Variants in PLEKHA3 observed in about 807,000 individuals in gnomAD.
PLEKHA3 encodes pleckstrin homology domain-containing family A member 3.
Under a neutral mutation model 39.2 loss-of-function variants are expected in PLEKHA3, and 19 were observed. The observed-to-expected ratio is 0.48, with a 90% CI of 0.34 to 0.71. The LOEUF (loss-of-function observed/expected upper bound fraction) is 0.71, where lower values mean the gene tolerates loss of function less well. Ranked by LOEUF, PLEKHA3 falls within the 30% of genes least tolerant of loss-of-function variation. The pLI, the probability that PLEKHA3 is intolerant of heterozygous loss-of-function variation, is 0.01. For missense variants in PLEKHA3, 253 were observed against 359.5 expected, an observed-to-expected ratio of 0.70 and a Z score of 2.40; for synonymous variants, 97 against 118.6, an observed-to-expected ratio of 0.82 and a Z score of 1.18.
At chr2:178,502,324 A>T in intron 7 of PLEKHA3, 1 of 402,390 alleles carries the variant, frequency 2.5e-6, no homozygotes, top group South Asian at 1.8e-5. Context: ...AACATTTTGA[A>T]TTTAAATTGA....
rs1183540465 is a variant in PLEKHA3 at position 178,497,859 on chromosome 2, C to T, written c.616-1352C>T. Among the ~76,000 whole-genome samples the T allele has an allele frequency of 4.0e-5, 6 of 151,424 alleles. No homozygotes were observed. The East Asian group carries it at 9.7e-4, about 24-fold the overall frequency. On this transcript the variant is annotated intron_variant, in intron 5 of 7. Coordinates refer to ENST00000234453, the MANE Select transcript of PLEKHA3 (RefSeq NM_019091.4). Reference sequence around the variant, plus strand: ...GCTCTGTAGTCCAGAGAAGTCAATGCGTATTTTACATATAAGAAACTAAAA... The same window carrying T: ...GCTCTGTAGTCCAGAGAAGTCAATGTGTATTTTACATATAAGAAACTAAAA...
intron 4 of PLEKHA3, among the ~76,000 whole-genome samples, chr2:178,494,495 C>T (rs1685407756): frequency 7.8e-6 from 1 of 127,552 alleles, no homozygotes; most frequent in Admixed American, 7.1e-5. Flanking sequence ...AGCTATACCA[C>T]TCTCTGGGTG....
At position 178,480,801 on chromosome 2, in the gene PLEKHA3, G is replaced by A; in HGVS notation, c.-69G>A. 7.8e-7 allele frequency: 1 copy of A among 1,282,782 alleles called. No homozygotes were observed. Among genetic ancestry groups the A allele is most frequent in the Non-Finnish European group, 1.0e-6 (1 of 996,546 alleles). 79.5% of individuals were successfully genotyped at this position (1,282,782 alleles called of 1,614,324 possible). A position where few individuals can be genotyped will look rare whatever the true frequency, so the allele number is the denominator to read the frequency against. On this transcript the variant is annotated 5_prime_UTR_variant, in exon 1 of 8. Coordinates refer to ENST00000234453, the MANE Select transcript of PLEKHA3 (RefSeq NM_019091.4). ...GGCGGGCCGGGAGGGGCTGCCCCAGGCCCTGCGCCTACCCCATCACCGCGG... is the reference window on the plus strand; with the variant it reads ...GGCGGGCCGGGAGGGGCTGCCCCAGACCCTGCGCCTACCCCATCACCGCGG...
Position 178,480,824 on chromosome 2 carries a change from CG to C in PLEKHA3, c.-44del. On this transcript the variant is annotated 5_prime_UTR_variant, in exon 1 of 8. Coordinates refer to ENST00000234453, the MANE Select transcript of PLEKHA3 (RefSeq NM_019091.4). ...AGGCCCTGCGCCTACCCCATCACCG[CG>C]GCCGGCGCCGGGCCGGGAGGATGCG... is the stretch of plus-strand genomic sequence containing the variant. The C allele has an allele frequency of 7.6e-7, 1 of 1,313,132 alleles. No individual in the cohort carries two copies. The highest frequency in any genetic ancestry group is 2.0e-4 in the Middle Eastern group (1 of 4,920). The allele number at this position is 1,313,132 out of a possible 1,614,324, so 81.3% of individuals were successfully genotyped here.
chr2:178,500,258 G>T (rs1685510063), intron 6 of PLEKHA3, among the ~76,000 whole-genome samples: 1 of 151,988 alleles, frequency 6.6e-6, no homozygotes, highest in Non-Finnish European at 1.5e-5. Context: ...TTCCCCTGAT[G>T]ATTGTATAAT....
chr2:178,503,946 A>G lies in PLEKHA3; in HGVS notation c.*59A>G, dbSNP rs528274882. ...GCTATGCAAAAGCTGCTGTAATTAA[A>G]CTATTGTTATAGGGAGTAGTTTTTT... On this transcript the variant is annotated 3_prime_UTR_variant, in exon 8 of 8. Coordinates refer to ENST00000234453, the MANE Select transcript of PLEKHA3 (RefSeq NM_019091.4). 157 of 1,592,056 alleles carry G rather than the reference A, an allele frequency of 9.9e-5. 8 individuals carry two copies. The South Asian group carries it at 1.7e-3, about 18-fold the overall frequency.
rs1293798028 is a variant in PLEKHA3, at chr2:178,509,691, C to G, written c.*5804C>G. ...GCAGGGTTTTGCCATGCTGTTCAGACTGATCTCAAACTCCTGGGCTCAAGG... is the reference window on the plus strand; with the variant it reads ...GCAGGGTTTTGCCATGCTGTTCAGAGTGATCTCAAACTCCTGGGCTCAAGG... On this transcript the variant is annotated 3_prime_UTR_variant, in exon 8 of 8. Transcript: ENST00000234453. 1.3e-5 allele frequency: 2 copies of G among 152,304 alleles called. No individual in the cohort carries two copies. Among genetic ancestry groups the G allele is most frequent in the Non-Finnish European group, 2.9e-5 (2 of 68,266 alleles). 9.4% of individuals were successfully genotyped at this position (152,304 alleles called of 1,614,324 possible).
At chr2:178,481,009 C>T (rs559525355) in intron 1 of PLEKHA3, 100 bp downstream of exon 1, 2 of 1,118,214 alleles carry the variant, frequency 1.8e-6, no homozygotes, top group East Asian at 5.8e-5. Context: ...CGCGGACCCT[C>T]AGAGCGAATT....
At chr2:178,486,704 T>G (rs1221022722) in intron 2 of PLEKHA3, among the ~76,000 whole-genome samples, 1 of 152,254 alleles carries the variant, frequency 6.6e-6, no homozygotes, top group Non-Finnish European at 1.5e-5. Flanking sequence ...GTAACAGTAG[T>G]TCAGTCATTC....
In PLEKHA3 at chr2:178,513,494, C is replaced by T. The variant is rs1018967014; in HGVS notation, c.*9607C>T. 3 of 152,152 alleles carry T rather than the reference C, an allele frequency of 2.0e-5. No individual in the cohort carries two copies. Among genetic ancestry groups the T allele is most frequent in the South Asian group, 2.1e-4 (1 of 4,822 alleles). 9.4% of individuals were successfully genotyped at this position (152,152 alleles called of 1,614,324 possible). ...ATTGCTTTTTTCTGGATAGCTAGAA[C>T]GAGGCCATTTTCTTTCAAAAGACAG... On this transcript the variant is annotated 3_prime_UTR_variant, in exon 8 of 8. Transcript: ENST00000234453.
chr2:178,486,100 A>G (rs1217863571), intron 2 of PLEKHA3, among the ~76,000 whole-genome samples: 1 of 152,206 alleles, frequency 6.6e-6, no homozygotes, highest in Non-Finnish European at 1.5e-5. Flanking sequence ...ATATTGTAAA[A>G]GTTGGAGGCT....
At chr2:178,499,126 T>C in intron 5 of PLEKHA3, 85 bp from the exon 6 acceptor site, 1 of 1,308,718 alleles carries the variant, frequency 7.6e-7, no homozygotes, top group Non-Finnish European at 1.1e-6. Flanking sequence ...TTTATGTTTA[T>C]TATGATAATA....
intron 2 of PLEKHA3, 36 bp downstream of exon 2, chr2:178,485,793 T>G: frequency 6.7e-7 from 1 of 1,502,836 alleles, no homozygotes; most frequent in Non-Finnish European, 9.3e-7. Flanking sequence ...AATTGGAGGT[T>G]AGATAGTCAA....
At position 178,507,442 on chromosome 2, in the gene PLEKHA3, A is replaced by G. The variant is rs971346649; in HGVS notation, c.*3555A>G. ...TTCAAATTTGCTTAGTTTTTAATGT[A>G]CCTGTCACAATGACTATCCAAAGGC... On this transcript the variant is annotated 3_prime_UTR_variant, in exon 8 of 8. Transcript: ENST00000234453. 1 of 152,140 alleles carries G rather than the reference A, an allele frequency of 6.6e-6. No homozygotes were observed. The highest frequency in any genetic ancestry group is 2.4e-5 in the African/African-American group (1 of 41,432). 9.4% of individuals were successfully genotyped at this position (152,140 alleles called of 1,614,324 possible).
At chr2:178,490,581 G>A (rs1685328486) in intron 2 of PLEKHA3, 78 bp from the exon 3 acceptor site, 3 of 1,392,664 alleles carry the variant, frequency 2.2e-6, no homozygotes, top group Admixed American at 1.8e-5. Flanking sequence ...ATCTGATACT[G>A]TGTGATTAGA....
rs1247640547 is a variant in PLEKHA3 at position 178,508,047 on chromosome 2, CT to C, written c.*4161del. 9.5e-6 allele frequency: 1 copy of C among 105,268 alleles called. No individual in the cohort carries two copies. The highest frequency in any genetic ancestry group is 3.3e-4 in the East Asian group (1 of 3,034). 6.5% of individuals were successfully genotyped at this position (105,268 alleles called of 1,614,324 possible). A position where few individuals can be genotyped will look rare whatever the true frequency, so the allele number is the denominator to read the frequency against. On this transcript the variant is annotated 3_prime_UTR_variant, in exon 8 of 8. Transcript: ENST00000234453. ...ATTTAGAGATTTGTCTGCTTCAGTTCTGGGTGTGTGTGTGTGTGTGTGTGTG... is the reference window on the plus strand; with the variant it reads ...ATTTAGAGATTTGTCTGCTTCAGTTCGGGTGTGTGTGTGTGTGTGTGTGTG...
Position 178,512,544 on chromosome 2 carries a change from T to C in PLEKHA3, c.*8657T>C, listed in dbSNP as rs936294589. The C allele has an allele frequency of 6.6e-6, 1 of 152,556 alleles. No individual in the cohort carries two copies. Among genetic ancestry groups the C allele is most frequent in the Non-Finnish European group, 1.5e-5 (1 of 68,042 alleles). 9.5% of individuals were successfully genotyped at this position (152,556 alleles called of 1,614,324 possible). A position where few individuals can be genotyped will look rare whatever the true frequency, so the allele number is the denominator to read the frequency against. On this transcript the variant is annotated 3_prime_UTR_variant, in exon 8 of 8. Transcript: ENST00000234453. ...TCAATATAAAGTATATTGCCAGATC[T>C]GGCAGCATGGGGACAATTAGGAACA...
Position 178,506,653 on chromosome 2 carries a change from C to T in PLEKHA3, c.*2766C>T, listed in dbSNP as rs1452740480. ...TGTTAATACCAGATTGCTGTTTACA[C>T]TAATTCCATATACATGATAATACCA... On this transcript the variant is annotated 3_prime_UTR_variant, in exon 8 of 8. Coordinates refer to ENST00000234453, the MANE Select transcript of PLEKHA3 (RefSeq NM_019091.4). 1.3e-5 allele frequency: 2 copies of T among 152,178 alleles called. No individual in the cohort carries two copies. Among genetic ancestry groups the T allele is most frequent in the Non-Finnish European group, 2.9e-5 (2 of 68,026 alleles). The allele number at this position is 152,178 out of a possible 1,614,324, so 9.4% of individuals were successfully genotyped here.
At position 178,503,917 on chromosome 2, in the gene PLEKHA3, T is replaced by C. The variant is rs1365281340; in HGVS notation, c.*30T>C. ...ACTGAAGTGTCCAACTTCCTCTAAG[T>C]ATTGCTATGCAAAAGCTGCTGTAAT... On this transcript the variant is annotated 3_prime_UTR_variant, in exon 8 of 8. Coordinates refer to ENST00000234453, the MANE Select transcript of PLEKHA3 (RefSeq NM_019091.4). 1 of 1,608,492 alleles carries C rather than the reference T, an allele frequency of 6.2e-7. No homozygotes were observed. Among genetic ancestry groups the C allele is most frequent in the South Asian group, 1.1e-5 (1 of 90,794 alleles).
Sources: allele counts gnomAD v4.1 joint callset (sites outside exome capture counted in the v4.1 genomes callset), GRCh38; gene constraint gnomAD v4.1.1; transcripts MANE v1.5; gene names NCBI Gene and HGNC (gene_info 2026-07-23, HGNC 2026-07-21).